Variants in RAD51B observed in about 807,000 individuals in gnomAD.
The protein encoded by RAD51B is DNA repair protein RAD51 homolog 2.
A neutral mutation model predicts 42.2 loss-of-function variants in RAD51B; 38 were observed. The ratio of observed to expected loss-of-function variants is 0.90; its 90% confidence interval spans 0.70 to 1.18. RAD51B has a LOEUF of 1.18. Among genes scored for constraint, RAD51B ranks in the 50% most tolerant of loss-of-function variants. The probability of loss-of-function intolerance (pLI) is 0.00; values close to 1 mark genes in which losing one functional copy is unlikely to be tolerated. For missense variants in RAD51B, 373 were observed against 400.7 expected, an observed-to-expected ratio of 0.93 and a Z score of 0.59; for synonymous variants, 154 against 145.2, an observed-to-expected ratio of 1.06 and a Z score of -0.43.
intron 8 of RAD51B, among the ~76,000 whole-genome samples, chr14:68,352,954 C>T (rs1219657439): frequency 6.6e-6 from 1 of 152,114 alleles, no homozygotes; most frequent in Non-Finnish European, 1.5e-5. Flanking sequence ...ACTATTTTTC[C>T]TCCCATGTTT....
chr14:68,584,362 C>T (rs115951934), intron 10 of RAD51B, among the ~76,000 whole-genome samples: 29 of 152,266 alleles, frequency 1.9e-4, no homozygotes, highest in Non-Finnish European at 3.2e-4. Flanking sequence ...TGGTTTCCTT[C>T]GACCTCTTAT....
chr14:68,589,770 C>T (rs940494011), intron 10 of RAD51B, among the ~76,000 whole-genome samples: 14 of 152,204 alleles, frequency 9.2e-5, no homozygotes, highest in African/African-American at 2.9e-4. Flanking sequence ...TCTTGCCTCT[C>T]TTCCTCTGTC....
chr14:68,183,819 C>T (rs1180008547), intron 7 of RAD51B, among the ~76,000 whole-genome samples: 1 of 151,980 alleles, frequency 6.6e-6, no homozygotes, highest in African/African-American at 2.4e-5. Context: ...TAAGGCCGGG[C>T]GTAGTGGCTC....
At chr14:67,932,287 T>C (rs1018529946) in intron 7 of RAD51B, among the ~76,000 whole-genome samples, 6 of 152,204 alleles carry the variant, frequency 3.9e-5, no homozygotes, top group African/African-American at 1.4e-4. Context: ...GTGCATTCAG[T>C]TGTGTAGTCT....
intron 8 of RAD51B, among the ~76,000 whole-genome samples, chr14:68,355,089 A>G (rs181137982): frequency 6.6e-6 from 1 of 152,302 alleles, no homozygotes; most frequent in Non-Finnish European, 1.5e-5. Flanking sequence ...TTGTCACTGG[A>G]GGGATATAGG....
chr14:68,647,659 T>C (rs1555434051), intron 10 of RAD51B, among the ~76,000 whole-genome samples: 1 of 152,180 alleles, frequency 6.6e-6, no homozygotes, highest in African/African-American at 2.4e-5. Context: ...ACAGCAATTC[T>C]AAACTTGAAG....
intron 10 of RAD51B, among the ~76,000 whole-genome samples, chr14:68,584,633 C>T (rs1890368711): frequency 6.6e-6 from 1 of 152,184 alleles, no homozygotes; most frequent in Admixed American, 6.5e-5. Context: ...TTATTTCTAT[C>T]CAAATCGCTT....
intron 7 of RAD51B, among the ~76,000 whole-genome samples, chr14:68,142,046 G>C (rs2078140478): frequency 6.6e-6 from 1 of 152,106 alleles, no homozygotes; most frequent in Admixed American, 6.5e-5. Context: ...AGAATTAAAT[G>C]ATGCTTGGTA....
intron 10 of RAD51B, among the ~76,000 whole-genome samples, chr14:68,503,448 T>A (rs1055168285): frequency 6.6e-6 from 1 of 152,154 alleles, no homozygotes; most frequent in African/African-American, 2.4e-5. Flanking sequence ...AGGCTGATGC[T>A]ACAGAGAAGG....
chr14:68,450,611 T>C (rs1418055233), intron 9 of RAD51B, among the ~76,000 whole-genome samples: 1 of 152,204 alleles, frequency 6.6e-6, no homozygotes, highest in Non-Finnish European at 1.5e-5. Context: ...TACCACACTC[T>C]GTTCTGTAGT....
intron 8 of RAD51B, 26 bp downstream of exon 8, chr14:68,292,006 G>A (rs766354538): frequency 6.4e-7 from 1 of 1,570,090 alleles, no homozygotes; most frequent in Non-Finnish European, 8.8e-7. Context: ...TGGAGAGGCT[G>A]AAACTTGACA....
intron 7 of RAD51B, among the ~76,000 whole-genome samples, chr14:68,027,135 A>G (rs1050565505): frequency 6.6e-6 from 1 of 151,972 alleles, no homozygotes; most frequent in Non-Finnish European, 1.5e-5. Flanking sequence ...CTTGGTTGGA[A>G]TTTCTTTTCT....
chr14:68,508,766 C>T (rs1193924383), intron 10 of RAD51B, among the ~76,000 whole-genome samples: 2 of 152,230 alleles, frequency 1.3e-5, no homozygotes, highest in African/African-American at 4.8e-5. Flanking sequence ...CCCCGCCTGT[C>T]CCCAGAATGA....
intron 9 of RAD51B, among the ~76,000 whole-genome samples, chr14:68,456,923 C>CTTTTTTTTTTTTTTTTTTTTTTTT (rs1176116647): frequency 2.0e-4 from 12 of 60,594 alleles, no homozygotes; most frequent in South Asian, 6.8e-4. Flanking sequence ...TTTTTTTTTG[C>CTTTTTTTTTTTTTTTTTTTTTTTT]TTTTTTTGAG....
intron 7 of RAD51B, among the ~76,000 whole-genome samples, chr14:67,998,153 T>C (rs907763150): frequency 6.6e-6 from 1 of 152,236 alleles, no homozygotes; most frequent in Non-Finnish European, 1.5e-5. Flanking sequence ...TAAGTTATTG[T>C]GATGTACTCT....
At chr14:68,467,680 T>A (rs1035723985) in intron 9 of RAD51B, among the ~76,000 whole-genome samples, 1 of 152,260 alleles carries the variant, frequency 6.6e-6, no homozygotes, top group Admixed American at 6.5e-5. Context: ...ATAGAAAATG[T>A]AGTCACGTAG....
chr14:68,567,735 T>A (rs1446725029), intron 10 of RAD51B, among the ~76,000 whole-genome samples: 4 of 152,236 alleles, frequency 2.6e-5, no homozygotes. Flanking sequence ...GTGACTGTAA[T>A]CTGCATAGAT....
In RAD51B at chr14:67,903,348, C is replaced by G. The variant is rs191417863; in HGVS notation, c.756+16144C>G. ...ATCTTACCGCTTCTAGGACCTAGAA[C>G]TTCTTTCTGAAGTGTAACCTAAATA... On this transcript the variant is annotated intron_variant, in intron 7 of 10. Coordinates refer to ENST00000471583, the MANE Select transcript of RAD51B (RefSeq NM_133510.4). 4.5e-4 allele frequency among the ~76,000 whole-genome samples: 68 copies of G among 152,246 alleles called. 1 individual carries two copies. In the East Asian group the frequency reaches 0.012, roughly 27 times the overall value.
At chr14:67,974,678 A>G (rs1289810499) in intron 7 of RAD51B, among the ~76,000 whole-genome samples, 4 of 152,160 alleles carry the variant, frequency 2.6e-5, no homozygotes, top group Non-Finnish European at 5.9e-5. Flanking sequence ...ATATTTAATC[A>G]GTTAATGGTC....
Sources: allele counts gnomAD v4.1 joint callset (sites outside exome capture counted in the v4.1 genomes callset), GRCh38; gene constraint gnomAD v4.1.1; transcripts MANE v1.5; gene names NCBI Gene and HGNC (gene_info 2026-07-23, HGNC 2026-07-21).